Variants in HIBCH observed in about 807,000 individuals in gnomAD.
HIBCH encodes 3-hydroxyisobutyryl-CoA hydrolase.
Under a neutral mutation model 58.2 loss-of-function variants are expected in HIBCH, and 50 were observed. That is an observed-to-expected ratio of 0.86 (90% confidence interval 0.68 to 1.09). The LOEUF (loss-of-function observed/expected upper bound fraction) is 1.09, where lower values mean the gene tolerates loss of function less well. HIBCH is among the 50% of genes least tolerant of loss of function. The pLI is 0.00. For missense variants in HIBCH, 450 were observed against 449.7 expected (o/e 1.00, Z -0.01); for synonymous variants, 151 against 146.9 (o/e 1.03, Z -0.20).
intron 11 of HIBCH, among the ~76,000 whole-genome samples, chr2:190,228,023 C>G (rs1476046586): frequency 6.6e-6 from 1 of 152,148 alleles, no homozygotes; most frequent in East Asian, 1.9e-4. Flanking sequence ...ACTAGAAATA[C>G]CATTTGACCC....
chr2:190,230,982 C>G (rs534950480), intron 11 of HIBCH, among the ~76,000 whole-genome samples: 11 of 152,120 alleles, frequency 7.2e-5, no homozygotes, highest in Admixed American at 7.2e-4. Context: ...ACACGTATCA[C>G]GAAAAAATAA....
chr2:190,252,590 C>T (rs1445063855), intron 7 of HIBCH, among the ~76,000 whole-genome samples: 1 of 151,924 alleles, frequency 6.6e-6, no homozygotes, highest in East Asian at 1.9e-4. Context: ...TCAATGTTAC[C>T]TAAATTTTCT....
intron 3 of HIBCH, among the ~76,000 whole-genome samples, chr2:190,296,480 C>T (rs967725650): frequency 6.0e-5 from 9 of 150,210 alleles, no homozygotes; most frequent in South Asian, 4.2e-4. Flanking sequence ...GAAGCAGATT[C>T]GATTTGTACA....
intron 2 of HIBCH, among the ~76,000 whole-genome samples, chr2:190,300,387 G>C (rs1575759816): frequency 6.8e-6 from 1 of 147,300 alleles, no homozygotes; most frequent in Non-Finnish European, 1.5e-5. Flanking sequence ...TCTCATCATG[G>C]TTTTGTTTTG....
At chr2:190,212,134 A>G (rs138850716) in intron 12 of HIBCH, among the ~76,000 whole-genome samples, 1 of 152,218 alleles carries the variant, frequency 6.6e-6, no homozygotes, top group African/African-American at 2.4e-5. Context: ...AATGGAGCAA[A>G]TGCATATAAA....
chr2:190,302,379 G>A (rs1242401286), intron 2 of HIBCH, among the ~76,000 whole-genome samples: 1 of 152,182 alleles, frequency 6.6e-6, no homozygotes, highest in Non-Finnish European at 1.5e-5. Flanking sequence ...ACTCTGGGGT[G>A]GAGACTTAAC....
chr2:190,232,619 G>A (rs958324525), intron 11 of HIBCH, among the ~76,000 whole-genome samples: 6 of 152,130 alleles, frequency 3.9e-5, no homozygotes, highest in East Asian at 1.9e-4. Context: ...CTATACGTTG[G>A]TGCAGAAGCA....
At chr2:190,227,273 C>T (rs144705618) in intron 11 of HIBCH, among the ~76,000 whole-genome samples, 330 of 152,186 alleles carry the variant, frequency 2.2e-3, no homozygotes, top group African/African-American at 7.2e-3. Context: ...GAAATAATAC[C>T]ACACATCTAC....
At chr2:190,220,377 T>G (rs1340891048) in intron 11 of HIBCH, 2 of 152,160 alleles carry the variant, frequency 1.3e-5, no homozygotes, top group African/African-American at 4.8e-5. Context: ...ACAGAGTAAA[T>G]GGATAGAACA....
At chr2:190,319,627 G>T in intron 1 of HIBCH, 89 bp downstream of exon 1, 1 of 1,157,988 alleles carries the variant, frequency 8.6e-7, no homozygotes. Flanking sequence ...TCGAAACTTC[G>T]AGGCCAGCAG....
rs1326657315 is a variant in HIBCH, at chr2:190,254,461, A to C, written c.518-2154T>G. On this transcript the variant is annotated intron_variant, in intron 7 of 13. Coordinates refer to ENST00000359678, the MANE Select transcript of HIBCH (RefSeq NM_014362.4). The surrounding 1 kb of genome is among the most constrained non-coding windows in gnomAD (Gnocchi z 5.0). ...AAAATTTCTACTGTTTAAGCAACCAAGTTTGTGGTATTTTGTTATGCAGCC... is the reference window on the plus strand; with the variant it reads ...AAAATTTCTACTGTTTAAGCAACCACGTTTGTGGTATTTTGTTATGCAGCC... Among the ~76,000 whole-genome samples, 1 of 152,196 alleles carries C rather than the reference A, an allele frequency of 6.6e-6. No individual in the cohort carries two copies. Among genetic ancestry groups the C allele is most frequent in the Non-Finnish European group, 1.5e-5 (1 of 68,038 alleles).
At position 190,216,782 on chromosome 2, in the gene HIBCH, G is replaced by C. The variant is rs1685552496; in HGVS notation, c.892-3707C>G. On this transcript the variant is annotated intron_variant, in intron 11 of 13. Transcript: ENST00000359678. This position sits in a 1 kb window ranked among gnomAD's most constrained non-coding sequence, Gnocchi z 4.2. ...GGGGAGAAGTCTGCCAAGACGCTTT[G>C]AGGTGGGATGTTTAAAAGTTCTGTT... Among the ~76,000 whole-genome samples, 1 of 152,192 alleles carries C rather than the reference G, an allele frequency of 6.6e-6. No homozygotes were observed. Among genetic ancestry groups the C allele is most frequent in the African/African-American group, 2.4e-5 (1 of 41,438 alleles).
chr2:190,257,651 G>A (rs201545669), intron 7 of HIBCH, among the ~76,000 whole-genome samples: 1 of 152,030 alleles, frequency 6.6e-6, no homozygotes, highest in East Asian at 1.9e-4. Flanking sequence ...CACAGACCGG[G>A]GTAATTTAGA....
At chr2:190,303,329 C>T (rs1389148416) in intron 2 of HIBCH, among the ~76,000 whole-genome samples, 1 of 151,992 alleles carries the variant, frequency 6.6e-6, no homozygotes, top group African/African-American at 2.4e-5. Flanking sequence ...ATGCAATTCT[C>T]CAATAAAGGC....
chr2:190,314,984 G>C (rs1575769608), intron 1 of HIBCH, among the ~76,000 whole-genome samples: 1 of 151,312 alleles, frequency 6.6e-6, no homozygotes, highest in Non-Finnish European at 1.5e-5. Context: ...GTCTCTCTCT[G>C]TCGCCCAGGC....
chr2:190,244,999 T>G (rs773897332), intron 10 of HIBCH, 31 bp from the exon 11 acceptor site: 3 of 1,302,566 alleles, frequency 2.3e-6, no homozygotes, highest in East Asian at 4.6e-5. Context: ...ATTTCACCAA[T>G]GTGTAAGTGA....
At chr2:190,231,948 C>T (rs1686110481) in intron 11 of HIBCH, among the ~76,000 whole-genome samples, 1 of 152,152 alleles carries the variant, frequency 6.6e-6, no homozygotes, top group Non-Finnish European at 1.5e-5. Context: ...GTAATCCTAA[C>T]ACTTTGGGAG....
chr2:190,316,850 T>G (rs1032628288), intron 1 of HIBCH, among the ~76,000 whole-genome samples: 1 of 152,124 alleles, frequency 6.6e-6, no homozygotes, highest in Non-Finnish European at 1.5e-5. Flanking sequence ...AACAATACAG[T>G]TCAGCAGAGG....
At chr2:190,314,338 CATATATAT>C (rs1688647320) in intron 1 of HIBCH, among the ~76,000 whole-genome samples, 10 of 130,800 alleles carry the variant, frequency 7.6e-5, no homozygotes, top group African/African-American at 1.2e-4. Context: ...TGTATATATA[CATATATAT>C]GTGTATATAT....
Sources: allele counts gnomAD v4.1 joint callset (sites outside exome capture counted in the v4.1 genomes callset), GRCh38; gene constraint gnomAD v4.1.1; non-coding constraint Gnocchi (gnomAD v3.1); transcripts MANE v1.5; gene names NCBI Gene and HGNC (gene_info 2026-07-23, HGNC 2026-07-21).